Variants in DMXL1 observed in about 807,000 individuals in gnomAD.
DMXL1 encodes dmX-like protein 1.
Under a neutral mutation model 319.2 loss-of-function variants are expected in DMXL1, and 99 were observed. The ratio of observed to expected loss-of-function variants is 0.31; its 90% CI spans 0.26 to 0.37. DMXL1 has a LOEUF of 0.37. DMXL1 is among the 10% of genes least tolerant of loss of function. The pLI is 1.00. For synonymous variants in DMXL1, 1,385 were observed against 1,235.2 expected (o/e 1.12, Z -2.54); for missense variants, 3,745 against 3,595.6 (o/e 1.04, Z -1.06).
At chr5:119,173,637 C>T (rs908042257) in intron 25 of DMXL1, among the ~76,000 whole-genome samples, 3 of 147,670 alleles carry the variant, frequency 2.0e-5, no homozygotes, top group African/African-American at 7.6e-5. Context: ...ATATATTTGT[C>T]TGGATTCACC....
Position 119,196,389 on chromosome 5 carries a change from G to C in DMXL1, c.7476G>C (p.Leu2492Phe). ...TTTTTAGTTGGTCCTTGATGCGGTT[G>C]GCGATGGTGCAATTGGTGCTCAACA... ...SNSYSWSLMR[L>F]AMVQLVLNNL... Residue 2492 changes from leucine to phenylalanine, a missense_variant, in exon 31 of 44, where the codon TTG (leucine) becomes TTC (phenylalanine). By Grantham distance (22) the Leu-to-Phe change is conservative. This residue lies in a region of DMXL1 where 1,382 missense variants were observed against 1,269.5 expected (regional missense o/e 1.09). Coordinates refer to ENST00000539542, the MANE Select transcript of DMXL1 (RefSeq NM_001290321.3). 6.2e-7 allele frequency: 1 copy of C among 1,613,828 alleles called. No individual in the cohort carries two copies. Among genetic ancestry groups the C allele is most frequent in the Non-Finnish European group, 8.5e-7 (1 of 1,179,768 alleles).
chr5:119,174,404 C>T (rs185298721), intron 25 of DMXL1, among the ~76,000 whole-genome samples: 72 of 152,320 alleles, frequency 4.7e-4, no homozygotes, highest in Non-Finnish European at 7.3e-5. Context: ...ACGTCCAACT[C>T]TCTCTTGCAG....
In DMXL1 at chr5:119,149,964, T is replaced by C; in HGVS notation, c.4137T>C (p.Ser1379=). ...TTAGGTCTCTCACAATCAGTGCTAG[T>C]GGAAGCACTACCAGAGACCCCCAGG... ...RRLRSLTISA[S]GSTTRDPQAF... Residue 1379 remains serine, a synonymous_variant, in exon 18 of 44, where the codon AGT becomes AGC. Coordinates refer to ENST00000539542, the MANE Select transcript of DMXL1 (RefSeq NM_001290321.3). 1 of 1,613,872 alleles carries C rather than the reference T, an allele frequency of 6.2e-7. No homozygotes were observed. Among genetic ancestry groups the C allele is most frequent in the Non-Finnish European group, 8.5e-7 (1 of 1,179,888 alleles).
At chr5:119,125,956 G>T (rs775522729) in intron 9 of DMXL1, among the ~76,000 whole-genome samples, 4 of 152,150 alleles carry the variant, frequency 2.6e-5, no homozygotes, top group Non-Finnish European at 5.9e-5. Flanking sequence ...TTTTTTTCAT[G>T]TGTGTTTTTA....
chr5:119,124,021 C>G (rs1762912126), intron 9 of DMXL1, among the ~76,000 whole-genome samples: 1 of 151,258 alleles, frequency 6.6e-6, no homozygotes, highest in African/African-American at 2.4e-5. Flanking sequence ...AAAAGTAACA[C>G]CAAGGAGCTG....
intron 43 of DMXL1, among the ~76,000 whole-genome samples, chr5:119,246,109 A>G (rs368042350): frequency 6.6e-5 from 10 of 152,362 alleles, no homozygotes; most frequent in East Asian, 3.8e-4. Context: ...AAAGATGCGT[A>G]TAATTTGCTT....
chr5:119,232,238 G>T (rs1164614681), intron 38 of DMXL1, among the ~76,000 whole-genome samples: 1 of 152,136 alleles, frequency 6.6e-6, no homozygotes, highest in Non-Finnish European at 1.5e-5. Flanking sequence ...CTATGCAAGC[G>T]CATTGGGGGA....
At chr5:119,128,797 G>A (rs1026587321) in intron 9 of DMXL1, among the ~76,000 whole-genome samples, 2 of 152,158 alleles carry the variant, frequency 1.3e-5, no homozygotes, top group African/African-American at 4.8e-5. Context: ...CAGGCACGGT[G>A]GCTCACGTCT....
At chr5:119,191,494 C>A (rs764195654) in intron 29 of DMXL1, among the ~76,000 whole-genome samples, 1 of 152,154 alleles carries the variant, frequency 6.6e-6, no homozygotes. Context: ...TTAAGCACTT[C>A]ATTTATCTAG....
intron 13 of DMXL1, among the ~76,000 whole-genome samples, chr5:119,140,170 G>C (rs1254474034): frequency 6.6e-6 from 1 of 152,058 alleles, no homozygotes; most frequent in African/African-American, 2.4e-5. Flanking sequence ...CAAAAAGTCA[G>C]AAAGATCTCA....
At position 119,133,252 on chromosome 5, in the gene DMXL1, T is replaced by C; in HGVS notation, c.1436T>C (p.Ile479Thr). ...TCGTCAGCTGCCATTGATCATCAGA[T>C]TGAAGTACTTCTGTCTGAATGGAGT... is the stretch of plus-strand genomic sequence containing the variant. Reference protein sequence around the residue: ...SLSSAAIDHQIEVLLSEWSKN... With the variant: ...SLSSAAIDHQTEVLLSEWSKN... The change falls in exon 11 of 44, where the codon ATT (isoleucine) becomes ACT (threonine). Residue 479 changes from isoleucine (I) to threonine (T), a missense_variant. Transcript: ENST00000539542. The C allele has an allele frequency of 6.2e-7, 1 of 1,614,168 alleles. No homozygotes were observed. Among genetic ancestry groups the C allele is most frequent in the Non-Finnish European group, 8.5e-7 (1 of 1,180,006 alleles).
At chr5:119,136,501 A>G (rs999132504) in intron 13 of DMXL1, among the ~76,000 whole-genome samples, 3 of 152,384 alleles carry the variant, frequency 2.0e-5, no homozygotes, top group Admixed American at 6.5e-5. Flanking sequence ...AGCCAAGGCA[A>G]TGGGGAAAAT....
chr5:119,120,675 G>C (rs1354083024), intron 8 of DMXL1, among the ~76,000 whole-genome samples: 2 of 152,030 alleles, frequency 1.3e-5, no homozygotes, highest in Non-Finnish European at 2.9e-5. Context: ...TTTAACATTT[G>C]ATTTTAGGAA....
chr5:119,148,857 C>A lies in DMXL1; in HGVS notation c.3030C>A (p.Ala1010=). The A allele has an allele frequency of 6.2e-7, 1 of 1,613,612 alleles. No homozygotes were observed. The highest frequency in any genetic ancestry group is 1.1e-5 in the South Asian group (1 of 91,058). The change falls in exon 18 of 44, where the codon GCC becomes GCA. Residue 1010 remains alanine (A), a synonymous_variant. Coordinates refer to ENST00000539542, the MANE Select transcript of DMXL1 (RefSeq NM_001290321.3). Reference sequence around the variant, plus strand: ...GCAGAGTAACAGATGGAGAATCTGCCACGTCAAAGAATGGAAAAATTGATC... The same window carrying A: ...GCAGAGTAACAGATGGAGAATCTGCAACGTCAAAGAATGGAAAAATTGATC... ...WRCRVTDGES[A]TSKNGKIDLA...
chr5:119,165,196 C>T lies in DMXL1; in HGVS notation c.4886C>T (p.Ala1629Val), dbSNP rs1773160457. 2 of 1,590,224 alleles carry T rather than the reference C, an allele frequency of 1.3e-6. No individual in the cohort carries two copies. The highest frequency in any genetic ancestry group is 1.7e-6 in the Non-Finnish European group (2 of 1,170,874). ...TTTTGATTATAGGTAGCTAAAGCAGCCTTTTATAGAAAGAATGATCCTTTA... is the reference window on the plus strand; with the variant it reads ...TTTTGATTATAGGTAGCTAAAGCAGTCTTTTATAGAAAGAATGATCCTTTA... Reference protein sequence around the residue: ...RKCIEKVAKAAFYRKNDPLDA... With the variant: ...RKCIEKVAKAVFYRKNDPLDA... The change falls in exon 21 of 44, where the codon GCC (alanine) becomes GTC (valine). Residue 1629 changes from alanine to valine, a missense_variant. Physicochemically the swap from Ala to Val is moderately conservative, Grantham distance 64. Coordinates refer to ENST00000539542, the MANE Select transcript of DMXL1 (RefSeq NM_001290321.3).
At chr5:119,161,201 C>T (rs1398313343) in intron 19 of DMXL1, among the ~76,000 whole-genome samples, 1 of 152,158 alleles carries the variant, frequency 6.6e-6, no homozygotes, top group Non-Finnish European at 1.5e-5. Context: ...TGGCTAGGCC[C>T]CTGCCTTTAG....
At position 119,193,821 on chromosome 5, in the gene DMXL1, A is replaced by G. The variant is rs1561843138; in HGVS notation, c.7315-7A>G. 1 of 1,610,366 alleles carries G rather than the reference A, an allele frequency of 6.2e-7. No homozygotes were observed. The highest frequency in any genetic ancestry group is 1.7e-5 in the Admixed American group (1 of 59,608). ...GGCTGCTAAATTTCATGATTTCTTT[A>G]TTTTAGCCTTTTCTACCCTCTTCTC... On this transcript the variant is annotated splice_polypyrimidine_tract_variant and splice_region_variant and intron_variant, in intron 29 of 43. Coordinates refer to ENST00000539542, the MANE Select transcript of DMXL1 (RefSeq NM_001290321.3).
At chr5:119,245,389 A>G (rs1229507539) in intron 43 of DMXL1, among the ~76,000 whole-genome samples, 2 of 152,204 alleles carry the variant, frequency 1.3e-5, no homozygotes, top group African/African-American at 4.8e-5. Flanking sequence ...ATAATTCTCA[A>G]CCAGGAAAAG....
chr5:119,206,899 A>T lies in DMXL1; in HGVS notation c.7926+3A>T. 6.7e-7 allele frequency: 1 copy of T among 1,503,016 alleles called. No homozygotes were observed. Among genetic ancestry groups the T allele is most frequent in the African/African-American group, 1.4e-5 (1 of 72,308 alleles). The allele number at this position is 1,503,016 out of a possible 1,614,324, so 93.1% of individuals were successfully genotyped here. A position where few individuals can be genotyped will look rare whatever the true frequency, so the allele number is the denominator to read the frequency against. ...TGGAGGAGCCAAACATCAATAAGGTACAAAATATCATTCAACTGAAATTAA... is the reference window on the plus strand; with the variant it reads ...TGGAGGAGCCAAACATCAATAAGGTTCAAAATATCATTCAACTGAAATTAA... On this transcript the variant is annotated splice_donor_region_variant and intron_variant, in intron 34 of 43. Coordinates refer to ENST00000539542, the MANE Select transcript of DMXL1 (RefSeq NM_001290321.3).
Sources: allele counts gnomAD v4.1 joint callset (sites outside exome capture counted in the v4.1 genomes callset), GRCh38; gene constraint gnomAD v4.1.1; regional missense constraint gnomAD v4.1.1; transcripts MANE v1.5; gene names NCBI Gene and HGNC (gene_info 2026-07-23, HGNC 2026-07-21).